Variants in PCDH15 observed in about 807,000 individuals in gnomAD.
The protein encoded by PCDH15 is protocadherin-15.
In PCDH15, 129 loss-of-function variants were observed where a neutral mutation model predicts 178.5. The observed-to-expected ratio is 0.72, with a 90% CI of 0.63 to 0.84. The LOEUF is 0.84. Among genes scored for constraint, PCDH15 ranks in the 40% least tolerant of loss-of-function variants. The pLI is 0.00. For missense variants in PCDH15, 2,230 were observed against 2,099.9 expected (o/e 1.06, Z -1.21); for synonymous variants, 800 against 732.0 (o/e 1.09, Z -1.50).
chr10:54,492,051 C>G (rs897768956), intron 3 of PCDH15, among the ~76,000 whole-genome samples: 2 of 152,124 alleles, frequency 1.3e-5, no homozygotes, highest in African/African-American at 4.8e-5. Flanking sequence ...CTTTAATAAC[C>G]ACTCAATCTA....
chr10:54,988,323 T>G (rs556026599), intron 2 of PCDH15, among the ~76,000 whole-genome samples: 1 of 152,076 alleles, frequency 6.6e-6, no homozygotes, highest in Admixed American at 6.5e-5. Context: ...TCCAGTAGAG[T>G]GGGCTGCTGC....
At chr10:54,109,954 C>T (rs2094986122) in intron 15 of PCDH15, among the ~76,000 whole-genome samples, 1 of 151,960 alleles carries the variant, frequency 6.6e-6, no homozygotes, top group African/African-American at 2.4e-5. Context: ...CTCAATATCA[C>T]CCCAAAATAT....
rs528003730 is a variant in PCDH15, at chr10:54,692,605, T to C, written c.-28-28315A>G. ...AAATAAAAATCGGTTAGAGCTGTGA[T>C]TCAGTTTACATAAGATCTAGAAATA... On this transcript the variant is annotated intron_variant, in intron 1 of 37. Coordinates refer to ENST00000644397, the MANE Select transcript of PCDH15 (RefSeq NM_001384140.1). Among the ~76,000 whole-genome samples the C allele has an allele frequency of 5.3e-5, 8 of 152,280 alleles. No homozygotes were observed. In the East Asian group the frequency reaches 1.5e-3, roughly 29 times the overall value.
At chr10:54,647,566 A>AAATTT (rs1325410267) in intron 2 of PCDH15, among the ~76,000 whole-genome samples, 3 of 152,144 alleles carry the variant, frequency 2.0e-5, no homozygotes, top group African/African-American at 7.2e-5. Flanking sequence ...AGCATGAGCC[A>AAATTT]GGTGCCTGAG....
intron 2 of PCDH15, among the ~76,000 whole-genome samples, chr10:55,039,200 G>GA (rs1460457843): frequency 6.6e-6 from 1 of 150,944 alleles, no homozygotes; most frequent in Non-Finnish European, 1.5e-5. Flanking sequence ...CCAGAATACA[G>GA]AAAAAAAAGA....
At position 55,520,509 on chromosome 10, in the gene PCDH15, A is replaced by ATG. The variant is rs1283132197; in HGVS notation, c.-156+107114_-156+107115dup. Among the ~76,000 whole-genome samples the ATG allele has an allele frequency of 1.9e-4, 25 of 128,594 alleles. 1 individual carries two copies. Among genetic ancestry groups the ATG allele is most frequent in the South Asian group, 2.8e-4 (1 of 3,536 alleles). The allele number at this position is 128,594 out of a possible 152,430, so 84.4% of individuals were successfully genotyped here. A position where few individuals can be genotyped will look rare whatever the true frequency, so the allele number is the denominator to read the frequency against. On this transcript the variant is annotated intron_variant, in intron 2 of 5. Transcript: ENST00000613346. ...TTATTAGCTGTGTGTGTGTGTGTATATGTGTGTGTGTGTGTATATATATAT... is the reference window on the plus strand; with the variant it reads ...TTATTAGCTGTGTGTGTGTGTGTATATGTGTGTGTGTGTGTGTATATATATAT...
intron 1 of PCDH15, among the ~76,000 whole-genome samples, chr10:54,778,203 G>T (rs1037532927): frequency 2.6e-5 from 4 of 152,152 alleles, no homozygotes; most frequent in Non-Finnish European, 5.9e-5. Context: ...TGATCGAGAT[G>T]GGTGAGTTCA....
chr10:55,047,834 C>T (rs888177754), intron 2 of PCDH15, among the ~76,000 whole-genome samples: 1 of 151,578 alleles, frequency 6.6e-6, no homozygotes, highest in Non-Finnish European at 1.5e-5. Flanking sequence ...ATCATAATTT[C>T]AGTTATCAGA....
chr10:53,831,430 T>C lies in PCDH15; in HGVS notation c.4087A>G (p.Ile1363Val). The change falls in exon 30 of 38, where the codon ATT becomes GTT. Residue 1363 changes from isoleucine to valine, a missense_variant. By Grantham distance (29) the Ile-to-Val change is conservative. Transcript: ENST00000644397. Reference protein sequence around the residue: ...EIRTPEAVTSIKKRGESLGYT... With the variant: ...EIRTPEAVTSVKKRGESLGYT... ...CCTAGACTTTCTCCTCTCTTTTTAA[T>C]GCTGGTCACTGCCTCTGGAGTCCGG... 2 of 1,614,206 alleles carry C rather than the reference T, an allele frequency of 1.2e-6. No homozygotes were observed. The highest frequency in any genetic ancestry group is 1.7e-6 in the Non-Finnish European group (2 of 1,180,042).
At chr10:54,330,153 T>G (rs1939150187) in intron 6 of PCDH15, among the ~76,000 whole-genome samples, 1 of 115,448 alleles carries the variant, frequency 8.7e-6, no homozygotes, top group Admixed American at 9.2e-5. Context: ...TTTTAAGTAT[T>G]ATCTGGCATT....
chr10:53,827,984 C>T lies in PCDH15; in HGVS notation c.4212-436G>A, dbSNP rs556555840. On this transcript the variant is annotated intron_variant, in intron 31 of 37. Transcript: ENST00000644397. ...ATTTGAAACATTTTTGACGTTATTT[C>T]ACAGAGGCTGTACACACATGTACAA... is the stretch of plus-strand genomic sequence containing the variant. Among the ~76,000 whole-genome samples, 253 of 151,876 alleles carry T rather than the reference C, an allele frequency of 1.7e-3. 2 individuals are homozygous for T. Among genetic ancestry groups the T allele is most frequent in the Non-Finnish European group, 3.0e-3 (203 of 67,924 alleles).
chr10:55,479,484 C>G (rs1445834549), intron 2 of PCDH15, among the ~76,000 whole-genome samples: 1 of 151,284 alleles, frequency 6.6e-6, no homozygotes, highest in Non-Finnish European at 1.5e-5. Flanking sequence ...AATAAATATT[C>G]CCAACTAATT....
chr10:55,235,883 G>C (rs1227867421), intron 1 of PCDH15, among the ~76,000 whole-genome samples: 2 of 144,840 alleles, frequency 1.4e-5, no homozygotes, highest in African/African-American at 2.6e-5. Context: ...CTCCAGCCTG[G>C]GCGACAGAGC....
chr10:54,295,167 C>T (rs1975412), intron 8 of PCDH15, among the ~76,000 whole-genome samples: 39,284 of 151,644 alleles, frequency 0.26, 6,358 homozygotes, highest in Middle Eastern at 0.38. Context: ...GCTTCTGGGC[C>T]GGATGGGGAT....
intron 3 of PCDH15, among the ~76,000 whole-genome samples, chr10:54,431,611 C>A (rs1313603119): frequency 6.6e-6 from 1 of 152,090 alleles, no homozygotes; most frequent in Non-Finnish European, 1.5e-5. Context: ...AACCTCAACA[C>A]AATAAAAGCT....
intron 16 of PCDH15, among the ~76,000 whole-genome samples, chr10:54,086,948 G>A (rs1287003354): frequency 6.6e-6 from 1 of 152,162 alleles, no homozygotes; most frequent in Non-Finnish European, 1.5e-5. Flanking sequence ...GCAGAGATGA[G>A]AGGAGCACTA....
chr10:55,136,629 ATTCAGGCTTAAAG>A (rs1452637759), intron 2 of PCDH15, among the ~76,000 whole-genome samples: 1 of 152,270 alleles, frequency 6.6e-6, no homozygotes, highest in East Asian at 1.9e-4. Flanking sequence ...CCTAGGAAGC[ATTCAGGCTTAAAG>A]TTTCAAGAGA....
At position 53,911,620 on chromosome 10, in the gene PCDH15, G is replaced by C. The variant is rs1016780807; in HGVS notation, c.3374-8250C>G. ...AATCAGAGCAGAACTGAAGGAGATA[G>C]AAACACAAAGAACCCTTCAAAAAAA... On this transcript the variant is annotated intron_variant, in intron 25 of 37. Coordinates refer to ENST00000644397, the MANE Select transcript of PCDH15 (RefSeq NM_001384140.1). Among the ~76,000 whole-genome samples the C allele has an allele frequency of 3.9e-5, 6 of 152,174 alleles. 1 individual carries two copies. In the South Asian group the frequency reaches 1.2e-3, roughly 31 times the overall value.
intron 2 of PCDH15, among the ~76,000 whole-genome samples, chr10:55,372,623 C>T (rs894994742): frequency 6.6e-6 from 1 of 152,020 alleles, no homozygotes; most frequent in Non-Finnish European, 1.5e-5. Flanking sequence ...CATCCAAATT[C>T]CAAATCCCTC....
Sources: allele counts gnomAD v4.1 joint callset (sites outside exome capture counted in the v4.1 genomes callset), GRCh38; gene constraint gnomAD v4.1.1; transcripts MANE v1.5; gene names NCBI Gene and HGNC (gene_info 2026-07-23, HGNC 2026-07-21).